The following MYOCD variants were observed in gnomAD, a reference collection of about 807,000 sequenced individuals.
MYOCD encodes myocardin.
In MYOCD, 32 loss-of-function variants were observed where a neutral mutation model predicts 96.1. The ratio of observed to expected loss-of-function variants is 0.33; its 90% CI spans 0.25 to 0.45. The LOEUF (loss-of-function observed/expected upper bound fraction) is 0.45. MYOCD is among the 20% of genes least tolerant of loss of function. The probability of loss-of-function intolerance (pLI) is 1.00; values close to 1 mark genes in which losing one functional copy is unlikely to be tolerated. For missense variants in MYOCD, 1,133 were observed against 1,200.6 expected (o/e 0.94, Z 0.83); for synonymous variants, 469 against 469.0 (o/e 1.00, Z 0.00).
At chr17:12,679,751 G>A (rs756996132) in intron 1 of MYOCD, among the ~76,000 whole-genome samples, 12 of 152,082 alleles carry the variant, frequency 7.9e-5, no homozygotes, top group Non-Finnish European at 1.6e-4. Context: ...TTTAAATATC[G>A]TGTTTTCAGA....
At position 12,751,949 on chromosome 17, in the gene MYOCD, A is replaced by G. The variant is rs78038989; in HGVS notation, c.1126-465A>G. Among the ~76,000 whole-genome samples the G allele has an allele frequency of 8.9e-3, 1,362 of 152,302 alleles. 32 individuals carry two copies. Among genetic ancestry groups the G allele is most frequent in the African/African-American group, 0.03 (1,228 of 41,552 alleles). On this transcript the variant is annotated intron_variant, in intron 9 of 13. Coordinates refer to ENST00000425538, the MANE Select transcript of MYOCD (RefSeq NM_001146312.3). Reference sequence around the variant, plus strand: ...CAGTCTGCTTTGTAACACACCCTCCAGTGGTTCTGGCGCATGTTCAGGTTT... The same window carrying G: ...CAGTCTGCTTTGTAACACACCCTCCGGTGGTTCTGGCGCATGTTCAGGTTT...
intron 2 of MYOCD, chr17:12,710,589 G>A: frequency 1.3e-6 from 1 of 772,138 alleles, no homozygotes; most frequent in South Asian, 5.9e-5. Context: ...GAATGACCGG[G>A]GCAATTCCCG....
chr17:12,720,180 C>G (rs1340066982), intron 4 of MYOCD: 1 of 151,898 alleles, frequency 6.6e-6, no homozygotes, highest in African/African-American at 2.4e-5. Context: ...TAATAAAAGA[C>G]TAGGGTGGGA....
chr17:12,753,113 C>T lies in MYOCD; in HGVS notation c.1825C>T (p.Leu609Phe). The T allele has an allele frequency of 2.5e-6, 4 of 1,614,196 alleles. No homozygotes were observed. The highest frequency in any genetic ancestry group is 3.4e-6 in the Non-Finnish European group (4 of 1,180,030). ...PACEAAQLQP[L>F]GNAHCVESSD... ...TTGTGAAGCTGCTCAACTCCAGCCT[C>T]TTGGAAATGCTCATTGTGTGGAGTC... Residue 609 changes from leucine (L) to phenylalanine (F), a missense_variant, in exon 10 of 14, where the codon CTT (leucine) becomes TTT (phenylalanine). By Grantham distance (22) the Leu-to-Phe change is conservative. Transcript: ENST00000425538.
intron 1 of MYOCD, among the ~76,000 whole-genome samples, chr17:12,703,128 G>A (rs1247086787): frequency 6.6e-6 from 1 of 151,754 alleles, no homozygotes; most frequent in African/African-American, 2.4e-5. Flanking sequence ...TTCTGAGTTG[G>A]TAGATTGGGG....
chr17:12,690,245 T>TA (rs1438271972), intron 1 of MYOCD, among the ~76,000 whole-genome samples: 3 of 151,908 alleles, frequency 2.0e-5, no homozygotes, highest in Admixed American at 1.3e-4. Flanking sequence ...ATACTAATAG[T>TA]AAAAAAATCT....
intron 1 of MYOCD, among the ~76,000 whole-genome samples, chr17:12,701,587 C>A (rs1424466131): frequency 6.6e-6 from 1 of 152,030 alleles, no homozygotes. Context: ...TTACTATGAG[C>A]ATACTTCTTT....
At position 12,666,233 on chromosome 17, in the gene MYOCD, G is replaced by T. The variant is rs1275380157; in HGVS notation, c.45G>T (p.Lys15Asn). Residue 15 changes from lysine (K) to asparagine (N), a missense_variant, in exon 1 of 14, where the codon AAG (lysine) becomes AAT (asparagine). Transcript: ENST00000425538. ...AGCATTCCTTGCTGATTAGGAGCAA[G>T]TTCAGATCAGGTAGGGCTAAGGCAT... ...GSEHSLLIRSKFRSVLQLRLQ... is the reference protein window; with the variant it reads ...GSEHSLLIRSNFRSVLQLRLQ... 1 of 1,612,510 alleles carries T rather than the reference G, an allele frequency of 6.2e-7. No homozygotes were observed. Among genetic ancestry groups the T allele is most frequent in the Non-Finnish European group, 8.5e-7 (1 of 1,178,528 alleles).
At chr17:12,722,581 A>G (rs1350951651) in intron 4 of MYOCD, among the ~76,000 whole-genome samples, 1 of 152,186 alleles carries the variant, frequency 6.6e-6, no homozygotes. Context: ...GGTTGCTTAC[A>G]AAATCTCCAA....
At chr17:12,709,060 T>C (rs1303186968) in intron 2 of MYOCD, among the ~76,000 whole-genome samples, 1 of 152,224 alleles carries the variant, frequency 6.6e-6, no homozygotes, top group Non-Finnish European at 1.5e-5. Flanking sequence ...ATGATGAGCA[T>C]TGAATGAAAG....
At chr17:12,726,491 C>A (rs1415859390) in intron 5 of MYOCD, among the ~76,000 whole-genome samples, 1 of 152,158 alleles carries the variant, frequency 6.6e-6, no homozygotes, top group Non-Finnish European at 1.5e-5. Context: ...TAAAAAAAAT[C>A]TCAACCTGGA....
Position 12,765,829 on chromosome 17 carries a change from A to G in MYOCD, c.*2185A>G, listed in dbSNP as rs935854748. 2 of 152,244 alleles carry G rather than the reference A, an allele frequency of 1.3e-5. No homozygotes were observed. Among genetic ancestry groups the G allele is most frequent in the African/African-American group, 4.8e-5 (2 of 41,464 alleles). 9.4% of individuals were successfully genotyped at this position (152,244 alleles called of 1,614,324 possible). A position where few individuals can be genotyped will look rare whatever the true frequency, so the allele number is the denominator to read the frequency against. On this transcript the variant is annotated 3_prime_UTR_variant, in exon 14 of 14. Coordinates refer to ENST00000425538, the MANE Select transcript of MYOCD (RefSeq NM_001146312.3). The stretch of plus-strand genomic sequence containing the variant: ...TGTGAAAAGACAGAACAGCTTCACC[A>G]TTAGTAGCTGGAAATGGTATCACAG...
At chr17:12,715,495 C>CA (rs749653873) in intron 2 of MYOCD, 24 bp from the exon 3 acceptor site, 13 of 1,611,136 alleles carry the variant, frequency 8.1e-6, no homozygotes, top group South Asian at 2.2e-5. Flanking sequence ...AGCCTCCACT[C>CA]ACGTTTTTGT....
At chr17:12,747,120 C>T (rs2032689334) in intron 9 of MYOCD, among the ~76,000 whole-genome samples, 1 of 151,864 alleles carries the variant, frequency 6.6e-6, no homozygotes, top group Admixed American at 6.6e-5. Flanking sequence ...TAAGTTTTGT[C>T]TCCCCAATTT....
intron 4 of MYOCD, among the ~76,000 whole-genome samples, chr17:12,722,157 G>T (rs986369276): frequency 2.6e-5 from 4 of 152,188 alleles, no homozygotes; most frequent in Non-Finnish European, 4.4e-5. Flanking sequence ...ACAGCAATAA[G>T]TTGGCTGGAT....
intron 1 of MYOCD, among the ~76,000 whole-genome samples, chr17:12,698,729 C>CTTTTTTTTTTT (rs55758881): frequency 1.6e-5 from 1 of 64,082 alleles, no homozygotes; most frequent in Non-Finnish European, 2.7e-5. Flanking sequence ...ACCAGACCCT[C>CTTTTTTTTTTT]TTTTTTTTTT....
At chr17:12,677,894 TTG>T (rs1394362676) in intron 1 of MYOCD, among the ~76,000 whole-genome samples, 3 of 142,846 alleles carry the variant, frequency 2.1e-5, no homozygotes, top group Non-Finnish European at 3.0e-5. Context: ...TCTTTCTTTT[TTG>T]TTTTTTTTTT....
At chr17:12,676,323 A>G (rs117899439) in intron 1 of MYOCD, among the ~76,000 whole-genome samples, 1,906 of 151,870 alleles carry the variant, frequency 0.013, 81 homozygotes, top group East Asian at 0.086. Context: ...ACAGTAAAAA[A>G]AGAAATTTCT....
At chr17:12,756,959 A>G (rs1055631711) in intron 11 of MYOCD, among the ~76,000 whole-genome samples, 1 of 152,164 alleles carries the variant, frequency 6.6e-6, no homozygotes, top group African/African-American at 2.4e-5. Context: ...CCAAGGAGTC[A>G]TTTCCTGGGG....
Sources: allele counts gnomAD v4.1 joint callset (sites outside exome capture counted in the v4.1 genomes callset), GRCh38; gene constraint gnomAD v4.1.1; transcripts MANE v1.5; gene names NCBI Gene and HGNC (gene_info 2026-07-23, HGNC 2026-07-21).